CLVS1: variants seen among roughly 807,000 people sequenced by gnomAD.
The protein encoded by CLVS1 is clavesin 1.
Under a neutral mutation model 33.1 loss-of-function variants are expected in CLVS1, and 10 were observed. The ratio of observed to expected loss-of-function variants is 0.30; its 90% CI spans 0.19 to 0.51. CLVS1 has a LOEUF of 0.51. CLVS1 is among the 20% of genes least tolerant of loss of function. The probability of loss-of-function intolerance (pLI) is 0.97; values close to 1 mark genes in which losing one functional copy is unlikely to be tolerated. For synonymous variants in CLVS1, 163 were observed against 166.1 expected (o/e 0.98, Z 0.14); for missense variants, 343 against 433.4 (o/e 0.79, Z 1.85).
chr8:61,004,985 C>T, the CLVS1 span, among the ~76,000 whole-genome samples: 2 of 152,080 alleles, frequency 1.3e-5, no homozygotes, highest in Non-Finnish European at 2.9e-5. Flanking sequence ...TCCTTCTTAC[C>T]GATATACACA....
chr8:61,297,217 C>T (rs778770885), intron 1 of CLVS1, among the ~76,000 whole-genome samples: 1 of 152,092 alleles, frequency 6.6e-6, no homozygotes, highest in Non-Finnish European at 1.5e-5. Context: ...CAACTAGATG[C>T]TAATGATGGA....
chr8:61,150,791 C>T (rs1168152183), intron 2 of CLVS1, among the ~76,000 whole-genome samples: 2 of 152,224 alleles, frequency 1.3e-5, no homozygotes, highest in East Asian at 3.9e-4. Context: ...TGAGCTGGTT[C>T]CTGGAGTTGA....
intron 2 of CLVS1, among the ~76,000 whole-genome samples, chr8:61,224,231 C>G (rs979534892): frequency 6.6e-6 from 1 of 152,106 alleles, no homozygotes; most frequent in Non-Finnish European, 1.5e-5. Flanking sequence ...TTGTGATCAT[C>G]TGGAGGAAAG....
chr8:60,994,479 T>G, the CLVS1 span, among the ~76,000 whole-genome samples: 1 of 152,210 alleles, frequency 6.6e-6, no homozygotes, highest in Non-Finnish European at 1.5e-5. Context: ...CCGCACTGTG[T>G]TTTGCTAAGC....
At chr8:61,095,665 CTGT>C (rs936139635) in intron 1 of CLVS1, among the ~76,000 whole-genome samples, 7 of 152,188 alleles carry the variant, frequency 4.6e-5, no homozygotes, top group Non-Finnish European at 8.8e-5. Flanking sequence ...TGCTCTCACT[CTGT>C]TTTCTGGTCT....
chr8:61,458,559 CAG>C lies in CLVS1; in HGVS notation c.977+20_977+21del, dbSNP rs779314112. ...GATGAAAAGGTAAGGCCTGGGTTAT[CAG>C]AGCCCCCCCCCCAGTCAGAGGTCAA... is the stretch of plus-strand genomic sequence containing the variant. On this transcript the variant is annotated intron_variant, in intron 5 of 5. Transcript: ENST00000325897. 1 of 1,499,486 alleles carries C rather than the reference CAG, an allele frequency of 6.7e-7. No homozygotes were observed. The highest frequency in any genetic ancestry group is 1.2e-5 in the South Asian group (1 of 80,100). The allele number at this position is 1,499,486 out of a possible 1,614,324, so 92.9% of individuals were successfully genotyped here.
intron 3 of CLVS1, among the ~76,000 whole-genome samples, chr8:61,421,880 G>C (rs901306240): frequency 6.6e-6 from 1 of 152,148 alleles, no homozygotes; most frequent in African/African-American, 2.4e-5. Flanking sequence ...GAAATGGAAA[G>C]ATCCAGCTAA....
intron 1 of CLVS1, among the ~76,000 whole-genome samples, chr8:61,289,411 T>C (rs1302245166): frequency 6.6e-6 from 1 of 152,250 alleles, no homozygotes; most frequent in African/African-American, 2.4e-5. Context: ...GCCAGGATTA[T>C]CTGTTTTATA....
At chr8:61,244,046 GCA>G (rs1240255079) in intron 2 of CLVS1, among the ~76,000 whole-genome samples, 5 of 152,032 alleles carry the variant, frequency 3.3e-5, no homozygotes, top group East Asian at 1.9e-4. Flanking sequence ...TTCATAGAAC[GCA>G]CAGAGTGGTG....
intron 1 of CLVS1, among the ~76,000 whole-genome samples, chr8:61,063,310 A>AGAGAGAGAGAGCAG (rs1585581099): frequency 6.9e-6 from 1 of 145,346 alleles, no homozygotes; most frequent in Non-Finnish European, 1.5e-5. Context: ...AGAGAGAGAG[A>AGAGAGAGAGAGCAG]ACAGTCATTT....
chr8:61,331,650 T>C (rs1811597438), intron 2 of CLVS1, among the ~76,000 whole-genome samples: 1 of 152,134 alleles, frequency 6.6e-6, no homozygotes, highest in African/African-American at 2.4e-5. Flanking sequence ...GCATAACACT[T>C]CCTCTCTAAG....
intron 3 of CLVS1, among the ~76,000 whole-genome samples, chr8:61,443,701 A>G (rs1392131869): frequency 6.6e-6 from 1 of 152,124 alleles, no homozygotes; most frequent in Non-Finnish European, 1.5e-5. Flanking sequence ...TTCTTTTTCA[A>G]AATTATTTTA....
chr8:61,486,822 C>T (rs1168431647), intron 5 of CLVS1, among the ~76,000 whole-genome samples: 1 of 152,110 alleles, frequency 6.6e-6, no homozygotes, highest in Non-Finnish European at 1.5e-5. Context: ...TCCTGTTTGC[C>T]TATGTGTTCA....
intron 2 of CLVS1, among the ~76,000 whole-genome samples, chr8:61,277,245 G>C (rs12156422): frequency 3.1e-3 from 477 of 152,290 alleles, no homozygotes; most frequent in Non-Finnish European, 5.5e-3. Context: ...AGCTCAAGGT[G>C]CACAGCTGAT....
At chr8:61,014,085 G>GTTTTTTTTTTT in the CLVS1 span, among the ~76,000 whole-genome samples, 4 of 126,818 alleles carry the variant, frequency 3.2e-5, no homozygotes, top group Non-Finnish European at 3.3e-5. Context: ...ACTTTTTAGT[G>GTTTTTTTTTTT]TTTTTTTTTT....
intron 2 of CLVS1, among the ~76,000 whole-genome samples, chr8:61,307,094 A>C (rs1282816222): frequency 6.6e-6 from 1 of 152,216 alleles, no homozygotes; most frequent in Admixed American, 6.5e-5. Context: ...AAAGCCCCAG[A>C]ATACACTATA....
the CLVS1 span, among the ~76,000 whole-genome samples, chr8:60,987,677 T>C: frequency 6.6e-6 from 1 of 152,328 alleles, no homozygotes; most frequent in East Asian, 1.9e-4. Flanking sequence ...GAGATACTGA[T>C]ATCAGGCACT....
the CLVS1 span, among the ~76,000 whole-genome samples, chr8:61,018,009 AC>A: frequency 2.0e-5 from 3 of 152,112 alleles, no homozygotes; most frequent in African/African-American, 7.2e-5. Flanking sequence ...AAGATGAAAA[AC>A]CTGTTTTTGC....
the CLVS1 span, among the ~76,000 whole-genome samples, chr8:60,991,173 A>T: frequency 6.6e-6 from 1 of 152,206 alleles, no homozygotes; most frequent in African/African-American, 2.4e-5. Flanking sequence ...ACAAGACATA[A>T]GTCAACAACA....
Sources: gnomAD v4.1 joint callset for allele counts (sites outside exome capture counted in the v4.1 genomes callset) on GRCh38, gnomAD v4.1.1 for gene constraint, MANE v1.5 for transcripts, NCBI Gene and HGNC (gene_info 2026-07-23, HGNC 2026-07-21) for gene names.